Variants in SLC36A2 observed in about 807,000 individuals in gnomAD.
The protein encoded by SLC36A2 is solute carrier family 36 member 2, also known as proton-coupled amino acid transporter 2.
A neutral mutation model predicts 42.7 loss-of-function variants in SLC36A2; 39 were observed. That is an observed-to-expected ratio of 0.91 (90% CI 0.71 to 1.19). The LOEUF is 1.19. Among genes scored for constraint, SLC36A2 ranks in the 50% most tolerant of loss-of-function variants. SLC36A2 has a pLI of 0.00. For synonymous variants in SLC36A2, 237 were observed against 240.8 expected, an observed-to-expected ratio of 0.98 and a Z score of 0.15; for missense variants, 590 against 613.7, an observed-to-expected ratio of 0.96 and a Z score of 0.41.
At chr5:151,330,937 T>C (rs2127292431) in intron 7 of SLC36A2, among the ~76,000 whole-genome samples, 1 of 152,298 alleles carries the variant, frequency 6.6e-6, no homozygotes, top group Non-Finnish European at 1.5e-5. Flanking sequence ...TGGAATACTA[T>C]AGAACTATAG....
rs184104754 is a variant in SLC36A2 at position 151,332,760 on chromosome 5, C to T, written c.843+464G>A. 9.2e-5 allele frequency among the ~76,000 whole-genome samples: 14 copies of T among 152,192 alleles called. No individual in the cohort carries two copies. In the East Asian group the frequency reaches 1.5e-3, roughly 17 times the overall value. The stretch of plus-strand genomic sequence containing the variant: ...GCTTCTTGAAACTTACAGGAATGTA[C>T]ACCAAAAAAGTGAATGTTACTGTAT... On this transcript the variant is annotated intron_variant, in intron 7 of 9. Coordinates refer to ENST00000335244, the MANE Select transcript of SLC36A2 (RefSeq NM_181776.3).
chr5:151,346,711 T>C (rs954064399), intron 1 of SLC36A2, among the ~76,000 whole-genome samples: 5 of 152,142 alleles, frequency 3.3e-5, no homozygotes, highest in Non-Finnish European at 5.9e-5. Context: ...GCTTCCCTCT[T>C]TTTTTATGTT....
At chr5:151,341,807 C>A (rs1258607989) in intron 4 of SLC36A2, among the ~76,000 whole-genome samples, 1 of 152,154 alleles carries the variant, frequency 6.6e-6, no homozygotes, top group African/African-American at 2.4e-5. Flanking sequence ...CCCCACTAGA[C>A]ATCTCCACTT....
chr5:151,321,533 C>T (rs77196222), intron 9 of SLC36A2, among the ~76,000 whole-genome samples: 7,391 of 152,038 alleles, frequency 0.049, 241 homozygotes, highest in African/African-American at 0.08. Flanking sequence ...TTAGGCTGAA[C>T]ACCAACAAAT....
In SLC36A2 at chr5:151,322,141, G is replaced by T; in HGVS notation, c.1085C>A (p.Ala362Glu). ...GATGGCAAAGGGGATGATGATTTCT[G>T]CAGGGACGTAGAACTGCAGGGCATA... ...CTYALQFYVP[A>E]EIIIPFAISR... Residue 362 changes from alanine (A) to glutamate (E), a missense_variant, in exon 9 of 10, where the codon GCA becomes GAA. By Grantham distance (107) the Ala-to-Glu change is moderately radical. Transcript: ENST00000335244. The T allele has an allele frequency of 6.2e-7, 1 of 1,614,176 alleles. No individual in the cohort carries two copies. Among genetic ancestry groups the T allele is most frequent in the Non-Finnish European group, 8.5e-7 (1 of 1,180,026 alleles).
intron 5 of SLC36A2, chr5:151,338,744 T>A (rs10061388): frequency 0.061 from 15,306 of 249,860 alleles, 942 homozygotes; most frequent in African/African-American, 0.19. Context: ...AAGACCCATA[T>A]CAATTTTAGA....
chr5:151,343,102 G>A, intron 3 of SLC36A2, 119 bp from the exon 4 acceptor site: 2 of 814,570 alleles, frequency 2.5e-6, no homozygotes, highest in Non-Finnish European at 4.2e-6. Context: ...AGAACACAGG[G>A]GCAGAGACCT....
At chr5:151,335,578 G>T in intron 5 of SLC36A2, 31 bp from the exon 6 acceptor site, 1 of 1,473,066 alleles carries the variant, frequency 6.8e-7, no homozygotes, top group Non-Finnish European at 9.5e-7. Flanking sequence ...GCAAAAGGGG[G>T]AGATGATGAG....
chr5:151,339,135 CA>C lies in SLC36A2; in HGVS notation c.449del (p.Val150GlyfsTer24). ...QNHAHWGRHI[V>X]SFFLIITQLG... ...GTTGGGTGATAATAAGGAAGAAGCT[CA>C]CGATATGCCTAGAAGGGAGAAGAGA... is the stretch of plus-strand genomic sequence containing the variant. On this transcript the variant is annotated frameshift_variant, in exon 5 of 10. Transcript: ENST00000335244. LOFTEE classifies it high-confidence loss of function. 1 of 1,607,324 alleles carries C rather than the reference CA, an allele frequency of 6.2e-7. No individual in the cohort carries two copies. Among genetic ancestry groups the C allele is most frequent in the South Asian group, 1.1e-5 (1 of 90,872 alleles).
intron 8 of SLC36A2, 92 bp downstream of exon 8, chr5:151,325,194 C>G: frequency 6.8e-7 from 1 of 1,464,354 alleles, no homozygotes; most frequent in Non-Finnish European, 9.3e-7. Context: ...CTCTCTAGAC[C>G]TCAGTTTCCC....
At chr5:151,337,246 G>A (rs908546293) in intron 5 of SLC36A2, among the ~76,000 whole-genome samples, 2 of 151,970 alleles carry the variant, frequency 1.3e-5, no homozygotes, top group African/African-American at 4.8e-5. Flanking sequence ...CCTGCCTCCC[G>A]GTTTTCACTG....
intron 7 of SLC36A2, among the ~76,000 whole-genome samples, chr5:151,332,800 A>G (rs1756035357): frequency 6.6e-6 from 1 of 152,258 alleles, no homozygotes; most frequent in Non-Finnish European, 1.5e-5. Flanking sequence ...ACTAAAAGTA[A>G]CTTTTAAAAA....
rs1213833704 is a variant in SLC36A2, at chr5:151,317,105, G to A, written c.1181-17C>T. ...CCAGGAGGCCTGCAGGGAGAGGATA[G>A]TGGAGAGATGGAGCATTCCAGGCTT... On this transcript the variant is annotated splice_polypyrimidine_tract_variant and intron_variant, in intron 9 of 9. Coordinates refer to ENST00000335244, the MANE Select transcript of SLC36A2 (RefSeq NM_181776.3). The A allele has an allele frequency of 3.7e-6, 6 of 1,613,262 alleles. No homozygotes were observed. The highest frequency in any genetic ancestry group is 5.1e-6 in the Non-Finnish European group (6 of 1,179,674).
intron 9 of SLC36A2, among the ~76,000 whole-genome samples, chr5:151,317,936 C>T (rs533174320): frequency 6.6e-6 from 1 of 152,260 alleles, no homozygotes; most frequent in Admixed American, 6.5e-5. Flanking sequence ...AAGATACCCC[C>T]TTAATAAGGG....
At chr5:151,337,337 G>A (rs1756189520) in intron 5 of SLC36A2, among the ~76,000 whole-genome samples, 1 of 152,136 alleles carries the variant, frequency 6.6e-6, no homozygotes, top group Admixed American at 6.5e-5. Flanking sequence ...CCCCCCGGAG[G>A]AGGCTTTCCC....
chr5:151,340,176 A>AGGAGG (rs1756289547), intron 4 of SLC36A2, among the ~76,000 whole-genome samples: 1 of 46,182 alleles, frequency 2.2e-5, no homozygotes, highest in South Asian at 1.4e-3. Flanking sequence ...AGGAAGGAGG[A>AGGAGG]GGAGGAGGAA....
Position 151,335,399 on chromosome 5 carries a change from G to C in SLC36A2, c.674C>G (p.Thr225Ser). Residue 225 changes from threonine (T) to serine (S), a missense_variant, in exon 6 of 10, where the codon ACC (threonine) becomes AGC (serine). Coordinates refer to ENST00000335244, the MANE Select transcript of SLC36A2 (RefSeq NM_181776.3). ...GATGTTGGCCAGCATGGAGAAGATG[G>C]TCAAGATCCTGAGGTTCCGGATGAG... ...LVLIRNLRIL[T>S]IFSMLANISM... 6.2e-7 allele frequency: 1 copy of C among 1,614,112 alleles called. No individual in the cohort carries two copies. Among genetic ancestry groups the C allele is most frequent in the South Asian group, 1.1e-5 (1 of 91,066 alleles).
In SLC36A2 at chr5:151,323,242, A is replaced by G. The variant is rs7718873; in HGVS notation, c.1011-1027T>C. Among the ~76,000 whole-genome samples, 14 of 102,858 alleles carry G rather than the reference A, an allele frequency of 1.4e-4. No individual in the cohort carries two copies. In the South Asian group the frequency reaches 1.4e-3, roughly 11 times the overall value. The allele number at this position is 102,858 out of a possible 152,430, so 67.5% of individuals were successfully genotyped here. ...AGAGTGAGACCCTGTCTCAAAAATAAATAGATAGATAGATAAATAAATAAA... is the reference window on the plus strand; with the variant it reads ...AGAGTGAGACCCTGTCTCAAAAATAGATAGATAGATAGATAAATAAATAAA... On this transcript the variant is annotated intron_variant, in intron 8 of 9. Transcript: ENST00000335244.
intron 3 of SLC36A2, among the ~76,000 whole-genome samples, 188 bp from the exon 4 acceptor site, chr5:151,343,171 A>T (rs1756395622): frequency 6.6e-6 from 1 of 152,008 alleles, no homozygotes; most frequent in African/African-American, 2.4e-5. Context: ...CTGTTAAATG[A>T]GGCGGAGACT....
Sources: allele counts gnomAD v4.1 joint callset (sites outside exome capture counted in the v4.1 genomes callset), GRCh38; gene constraint gnomAD v4.1.1; transcripts MANE v1.5; gene names NCBI Gene and HGNC (gene_info 2026-07-23, HGNC 2026-07-21).